The following WWOX variants were observed in gnomAD, a reference collection of about 807,000 sequenced individuals.
The protein encoded by WWOX is WW domain containing oxidoreductase.
A neutral mutation model predicts 46.2 loss-of-function variants in WWOX; 69 were observed. The observed-to-expected ratio is 1.49, with a 90% CI of 1.23 to 1.82. The LOEUF (loss-of-function observed/expected upper bound fraction) is 1.82. Ranked by LOEUF, WWOX falls within the 40% of genes most tolerant of loss-of-function variation. WWOX has a pLI of 0.00. For missense variants in WWOX, 919 were observed against 542.6 expected (o/e 1.69, Z -6.89); for synonymous variants, 359 against 202.6 (o/e 1.77, Z -6.56).
chr16:78,897,755 C>G (rs1481972904), intron 8 of WWOX: 2 of 149,802 alleles, frequency 1.3e-5, no homozygotes, highest in Non-Finnish European at 2.9e-5. Flanking sequence ...AAACAGTTGT[C>G]TAAAGTAATT....
At chr16:79,065,500 G>A (rs1324070147) in intron 8 of WWOX, among the ~76,000 whole-genome samples, 1 of 152,136 alleles carries the variant, frequency 6.6e-6, no homozygotes, top group Non-Finnish European at 1.5e-5. Flanking sequence ...ACAAGTCCCA[G>A]GCCTAGGTGG....
chr16:78,138,149 T>A (rs2033864616), intron 4 of WWOX, among the ~76,000 whole-genome samples: 3 of 150,570 alleles, frequency 2.0e-5, no homozygotes, highest in South Asian at 4.3e-4. Flanking sequence ...TGTAGAAGAG[T>A]CACAAAACAT....
intron 8 of WWOX, among the ~76,000 whole-genome samples, chr16:78,682,206 T>C (rs534280919): frequency 1.3e-5 from 2 of 152,204 alleles, no homozygotes; most frequent in South Asian, 2.1e-4. Flanking sequence ...TCGCTTGATA[T>C]TTGAAAATTG....
chr16:78,704,275 G>A (rs963140621), intron 8 of WWOX, among the ~76,000 whole-genome samples: 2 of 152,050 alleles, frequency 1.3e-5, no homozygotes, highest in African/African-American at 2.4e-5. Context: ...CCCATAGCGG[G>A]TATCTCCAAA....
In WWOX at chr16:79,169,105, C is replaced by A. The variant is rs117857983; in HGVS notation, c.1057-42503C>A. Among the ~76,000 whole-genome samples, 4 of 152,316 alleles carry A rather than the reference C, an allele frequency of 2.6e-5. No homozygotes were observed. The East Asian group carries it at 7.7e-4, about 29-fold the overall frequency. ...TATAAACATGATCCCACTTAATCCT[C>A]CACTTCACAATTCTGAAAAGTCAAC... On this transcript the variant is annotated intron_variant, in intron 8 of 8. Transcript: ENST00000566780.
At chr16:78,731,767 C>T (rs901776497) in intron 8 of WWOX, among the ~76,000 whole-genome samples, 3 of 151,974 alleles carry the variant, frequency 2.0e-5, no homozygotes, top group African/African-American at 7.3e-5. Context: ...GTCATGAATC[C>T]ACTCTGCAGT....
At position 78,932,863 on chromosome 16, in the gene WWOX, C is replaced by A. The variant is rs555926299; in HGVS notation, c.1057-278745C>A. 1.7e-4 allele frequency among the ~76,000 whole-genome samples: 26 copies of A among 152,300 alleles called. No homozygotes were observed. The South Asian group carries it at 4.1e-3, about 24-fold the overall frequency. On this transcript the variant is annotated intron_variant, in intron 8 of 8. Coordinates refer to ENST00000566780, the MANE Select transcript of WWOX (RefSeq NM_016373.4). ...GGCATTTGGAGGTCATCTGGCCCAGCACCCTTGTCTGGAAGACAGATTTAA... is the reference window on the plus strand; with the variant it reads ...GGCATTTGGAGGTCATCTGGCCCAGAACCCTTGTCTGGAAGACAGATTTAA...
At chr16:79,068,611 G>A (rs959802644) in intron 8 of WWOX, among the ~76,000 whole-genome samples, 1 of 151,582 alleles carries the variant, frequency 6.6e-6, no homozygotes, top group Non-Finnish European at 1.5e-5. Flanking sequence ...CGAGACCTGG[G>A]CAACATGGTG....
chr16:78,318,420 CAA>C (rs1021063673), intron 5 of WWOX, among the ~76,000 whole-genome samples: 12 of 152,026 alleles, frequency 7.9e-5, no homozygotes, highest in African/African-American at 2.7e-4. Context: ...GCCTGGGCGA[CAA>C]GAGCGCAATT....
rs937181962 is a variant in WWOX, at chr16:78,898,033, A to C, written c.1057-313575A>C. The stretch of plus-strand genomic sequence containing the variant: ...GATAGTCTTTTTAATATTGAATTAT[A>C]GGAATTCTATATATATTTTGGATAC... On this transcript the variant is annotated intron_variant, in intron 8 of 8. Coordinates refer to ENST00000566780, the MANE Select transcript of WWOX (RefSeq NM_016373.4). 12 of 152,210 alleles carry C rather than the reference A, an allele frequency of 7.9e-5. No individual in the cohort carries two copies. The East Asian group carries it at 1.9e-3, about 24-fold the overall frequency. 9.4% of individuals were successfully genotyped at this position (152,210 alleles called of 1,614,324 possible). A position where few individuals can be genotyped will look rare whatever the true frequency, so the allele number is the denominator to read the frequency against.
At chr16:78,497,532 C>G (rs2084946505) in intron 8 of WWOX, among the ~76,000 whole-genome samples, 1 of 63,824 alleles carries the variant, frequency 1.6e-5, no homozygotes, top group African/African-American at 3.1e-5. Flanking sequence ...AAGCAGCATC[C>G]TACAGAAAGA....
intron 8 of WWOX, among the ~76,000 whole-genome samples, chr16:78,519,888 A>T (rs946585043): frequency 6.6e-6 from 1 of 152,154 alleles, no homozygotes; most frequent in East Asian, 1.9e-4. Flanking sequence ...AAGTTATACT[A>T]TTTTGGGATC....
chr16:78,137,856 T>G (rs1424131759), intron 4 of WWOX, among the ~76,000 whole-genome samples: 2 of 138,398 alleles, frequency 1.4e-5, no homozygotes, highest in African/African-American at 5.4e-5. Context: ...TCCATACTCT[T>G]AATAGAATTG....
intron 4 of WWOX, among the ~76,000 whole-genome samples, chr16:78,147,906 T>A (rs890974611): frequency 1.3e-5 from 2 of 151,982 alleles, no homozygotes; most frequent in Admixed American, 1.3e-4. Flanking sequence ...ATCACAGCCC[T>A]TTTGGTCATT....
At chr16:78,621,871 C>T (rs2151645144) in intron 8 of WWOX, among the ~76,000 whole-genome samples, 1 of 152,114 alleles carries the variant, frequency 6.6e-6, no homozygotes, top group Non-Finnish European at 1.5e-5. Flanking sequence ...TCCCAAAGTG[C>T]TGGGATTACA....
At position 78,876,853 on chromosome 16, in the gene WWOX, A is replaced by G. The variant is rs532010107; in HGVS notation, c.1057-334755A>G. Among the ~76,000 whole-genome samples the G allele has an allele frequency of 2.0e-5, 3 of 152,328 alleles. No individual in the cohort carries two copies. In the South Asian group the frequency reaches 6.2e-4, roughly 32 times the overall value. ...CTTAACAGCTTGGCAAACCCAGTGG[A>G]ACGCTCTTTCTAGTTTGGGGCATAA... On this transcript the variant is annotated intron_variant, in intron 8 of 8. Coordinates refer to ENST00000566780, the MANE Select transcript of WWOX (RefSeq NM_016373.4).
At chr16:78,764,756 C>G (rs1424650647) in intron 8 of WWOX, among the ~76,000 whole-genome samples, 1 of 151,540 alleles carries the variant, frequency 6.6e-6, no homozygotes, top group African/African-American at 2.4e-5. Context: ...CAATGAGGTA[C>G]TGCTTGCAAA....
chr16:78,783,487 T>C (rs1329416724), intron 8 of WWOX, among the ~76,000 whole-genome samples: 2 of 152,164 alleles, frequency 1.3e-5, no homozygotes, highest in East Asian at 1.9e-4. Flanking sequence ...GGAAAGTAGC[T>C]CTTTGTACCA....
intron 8 of WWOX, chr16:78,898,157 A>T (rs1017007425): frequency 6.6e-6 from 1 of 152,048 alleles, no homozygotes; most frequent in African/African-American, 2.4e-5. Flanking sequence ...AAATACTGAT[A>T]GTGTCCAATT....
Sources: gnomAD v4.1 joint callset for allele counts (sites outside exome capture counted in the v4.1 genomes callset) on GRCh38, gnomAD v4.1.1 for gene constraint, MANE v1.5 for transcripts, NCBI Gene and HGNC (gene_info 2026-07-23, HGNC 2026-07-21) for gene names.